PTPRG: variants seen among roughly 807,000 people sequenced by gnomAD.
The protein encoded by PTPRG is protein tyrosine phosphatase receptor type G.
PTPRG carries 102 observed loss-of-function variants against 165.3 expected under a neutral mutation model. The observed-to-expected ratio is 0.62, with a 90% CI of 0.53 to 0.73. PTPRG has a LOEUF of 0.73. PTPRG is among the 30% of genes least tolerant of loss of function. PTPRG has a pLI of 0.00. For missense variants in PTPRG, 1,866 were observed against 1,861.4 expected, an observed-to-expected ratio of 1.00 and a Z score of -0.05; for synonymous variants, 675 against 669.5, an observed-to-expected ratio of 1.01 and a Z score of -0.13.
At chr3:61,920,180 C>T (rs1296918015) in intron 2 of PTPRG, among the ~76,000 whole-genome samples, 1 of 152,186 alleles carries the variant, frequency 6.6e-6, no homozygotes, top group African/African-American at 2.4e-5. Flanking sequence ...GTGAAAGACT[C>T]AAAACACTCC....
chr3:62,196,322 G>C (rs1699962348), intron 10 of PTPRG, among the ~76,000 whole-genome samples: 1 of 152,046 alleles, frequency 6.6e-6, no homozygotes, highest in African/African-American at 2.4e-5. Context: ...AGAATCACTT[G>C]AACCTGGAAG....
At chr3:62,256,820 AATC>A (rs1701547179) in intron 16 of PTPRG, among the ~76,000 whole-genome samples, 1 of 152,214 alleles carries the variant, frequency 6.6e-6, no homozygotes, top group African/African-American at 2.4e-5. Context: ...TATTCAAAAT[AATC>A]AGCTACACCT....
chr3:61,681,334 T>A (rs970140218), intron 1 of PTPRG, among the ~76,000 whole-genome samples: 5 of 152,236 alleles, frequency 3.3e-5, no homozygotes, highest in African/African-American at 9.6e-5. Flanking sequence ...TATTGGAATA[T>A]TCTGTAATGA....
chr3:61,959,606 T>G (rs969579862), intron 2 of PTPRG, among the ~76,000 whole-genome samples: 3 of 152,106 alleles, frequency 2.0e-5, no homozygotes, highest in African/African-American at 7.2e-5. Flanking sequence ...GGAGCAGAAA[T>G]GATTGTTGGA....
chr3:61,759,811 T>A (rs566603972), intron 2 of PTPRG, among the ~76,000 whole-genome samples: 5 of 152,086 alleles, frequency 3.3e-5, no homozygotes, highest in South Asian at 2.1e-4. Flanking sequence ...TTTTTTTTTT[T>A]AAATCAAGGA....
chr3:61,928,381 A>C (rs1316060595), intron 2 of PTPRG, among the ~76,000 whole-genome samples: 1 of 152,256 alleles, frequency 6.6e-6, no homozygotes, highest in East Asian at 1.9e-4. Context: ...ATGAAACCCT[A>C]TCACATTTTC....
chr3:62,267,479 C>CAA lies in PTPRG; in HGVS notation c.2728_2729dup (p.Asn910LysfsTer20). 1 of 1,609,930 alleles carries CAA rather than the reference C, an allele frequency of 6.2e-7. No homozygotes were observed. Among genetic ancestry groups the CAA allele is most frequent in the Non-Finnish European group, 8.5e-7 (1 of 1,176,696 alleles). ...TCTAAGCACAGCGACTACATTAATGCAAACTATGTTGATGTAAGTCAGAAC... is the reference window on the plus strand; with the variant it reads ...TCTAAGCACAGCGACTACATTAATGCAAAAACTATGTTGATGTAAGTCAGAAC... On this transcript the variant is annotated frameshift_variant, in exon 18 of 30. Transcript: ENST00000474889. LOFTEE classifies it high-confidence loss of function.
chr3:61,795,971 C>G (rs1405451832), intron 2 of PTPRG, among the ~76,000 whole-genome samples: 2 of 152,124 alleles, frequency 1.3e-5, no homozygotes, highest in African/African-American at 4.8e-5. Flanking sequence ...TAACTTTATT[C>G]AGATTTTGTC....
At chr3:61,899,287 G>T (rs1422917207) in intron 2 of PTPRG, among the ~76,000 whole-genome samples, 1 of 152,146 alleles carries the variant, frequency 6.6e-6, no homozygotes, top group Non-Finnish European at 1.5e-5. Context: ...CATGGAATGG[G>T]TGAATAATTC....
chr3:61,988,423 A>T (rs1269674827), intron 2 of PTPRG, among the ~76,000 whole-genome samples: 4 of 152,146 alleles, frequency 2.6e-5, no homozygotes. Flanking sequence ...GCAGCCACTC[A>T]TGTGGACTCT....
intron 2 of PTPRG, among the ~76,000 whole-genome samples, chr3:61,863,220 T>TTTCTTC (rs2037320618): frequency 2.6e-5 from 4 of 152,326 alleles, no homozygotes; most frequent in Admixed American, 2.6e-4. Flanking sequence ...GTGGATTGTC[T>TTTCTTC]TGGACTGAGA....
At chr3:61,745,865 A>G (rs1010386097) in intron 1 of PTPRG, among the ~76,000 whole-genome samples, 4 of 152,210 alleles carry the variant, frequency 2.6e-5, no homozygotes, top group Non-Finnish European at 5.9e-5. Flanking sequence ...GTGATGGTTT[A>G]AAGCATACGA....
At chr3:62,001,470 C>T (rs1323625679) in intron 3 of PTPRG, among the ~76,000 whole-genome samples, 1 of 152,060 alleles carries the variant, frequency 6.6e-6, no homozygotes, top group Non-Finnish European at 1.5e-5. Flanking sequence ...ATGTATGGAA[C>T]TTATAACTGG....
At chr3:61,846,611 C>T (rs530392736) in intron 2 of PTPRG, among the ~76,000 whole-genome samples, 1 of 152,214 alleles carries the variant, frequency 6.6e-6, no homozygotes, top group South Asian at 2.1e-4. Context: ...GGTAAAAGCA[C>T]AGTGAAAGAG....
chr3:61,991,202 G>C (rs1162053344), intron 3 of PTPRG, among the ~76,000 whole-genome samples: 1 of 152,084 alleles, frequency 6.6e-6, no homozygotes, highest in Non-Finnish European at 1.5e-5. Context: ...AATGTTATTT[G>C]TACGTAATTT....
chr3:61,572,885 C>T (rs1700089874), intron 1 of PTPRG, among the ~76,000 whole-genome samples: 1 of 152,214 alleles, frequency 6.6e-6, no homozygotes, highest in African/African-American at 2.4e-5. Context: ...GGTGATTTTC[C>T]TGAGGGACAG....
At chr3:61,796,877 A>G (rs1231757079) in intron 2 of PTPRG, among the ~76,000 whole-genome samples, 1 of 152,164 alleles carries the variant, frequency 6.6e-6, no homozygotes, top group Non-Finnish European at 1.5e-5. Flanking sequence ...GCACATACTA[A>G]CCACTCCAAA....
Position 62,273,519 on chromosome 3 carries a change from C to T in PTPRG, c.3319-179C>T, listed in dbSNP as rs538913168. On this transcript the variant is annotated intron_variant, in intron 22 of 29. Coordinates refer to ENST00000474889, the MANE Select transcript of PTPRG (RefSeq NM_002841.4). The surrounding 1 kb of genome is among the most constrained non-coding windows in gnomAD (Gnocchi z 4.1). ...AGAGCTAAACTTAACACAGTCTCTA[C>T]CGTAAAATAAGTTAAGACTGATAAA... Among the ~76,000 whole-genome samples, 55 of 152,104 alleles carry T rather than the reference C, an allele frequency of 3.6e-4. No homozygotes were observed. Among genetic ancestry groups the T allele is most frequent in the Non-Finnish European group, 6.0e-4 (41 of 68,014 alleles).
chr3:62,155,271 C>T (rs1704493407), intron 6 of PTPRG, among the ~76,000 whole-genome samples: 2 of 152,226 alleles, frequency 1.3e-5, no homozygotes. Context: ...TCACGAATAA[C>T]TGCTGTTACT....
Sources: allele counts gnomAD v4.1 joint callset (sites outside exome capture counted in the v4.1 genomes callset), GRCh38; gene constraint gnomAD v4.1.1; non-coding constraint Gnocchi (gnomAD v3.1); transcripts MANE v1.5; gene names NCBI Gene and HGNC (gene_info 2026-07-23, HGNC 2026-07-21).